Variants in SNAPC3 observed in about 807,000 individuals in gnomAD.
SNAPC3 encodes small nuclear RNA activating complex polypeptide 3.
A neutral mutation model predicts 47.7 loss-of-function variants in SNAPC3; 56 were observed. That is an observed-to-expected ratio of 1.18 (90% confidence interval 0.95 to 1.47). The LOEUF is 1.47. Ranked by LOEUF, SNAPC3 falls within the 40% of genes most tolerant of loss-of-function variation. SNAPC3 has a pLI of 0.00. For missense variants in SNAPC3, 665 were observed against 511.3 expected (o/e 1.30, Z -2.90); for synonymous variants, 235 against 189.9 (o/e 1.24, Z -1.95).
chr9:15,448,879 G>A (rs968865668), intron 5 of SNAPC3, among the ~76,000 whole-genome samples: 5 of 151,576 alleles, frequency 3.3e-5, no homozygotes, highest in African/African-American at 1.2e-4. Flanking sequence ...ATGCAATCTC[G>A]GCTCACTGCA....
intron 2 of SNAPC3, among the ~76,000 whole-genome samples, chr9:15,433,316 A>G (rs191985782): frequency 2.8e-4 from 42 of 152,306 alleles, no homozygotes; most frequent in Admixed American, 1.8e-3. Context: ...GAAATTTTAA[A>G]AAGGCGTATA....
At chr9:15,465,642 G>T (rs1364917786), downstream of SNAPC3, 5 of 1,341,768 alleles carry the variant, frequency 3.7e-6, no homozygotes, top group African/African-American at 1.5e-5. Context: ...AGGAAAAAAA[G>T]ACATTAAGTC....
In SNAPC3 at chr9:15,423,826, A is replaced by G; in HGVS notation, c.315-83A>G. 7.1e-6 allele frequency: 5 copies of G among 708,750 alleles called. No homozygotes were observed. In the South Asian group the frequency reaches 9.1e-5, roughly 13 times the overall value. 43.9% of individuals were successfully genotyped at this position (708,750 alleles called of 1,614,324 possible). A position where few individuals can be genotyped will look rare whatever the true frequency, so the allele number is the denominator to read the frequency against. ...TTTTATCTGACTTCGTAATTCAGTA[A>G]TGTATTTAGGAAAACAACCCTAACT... On this transcript the variant is annotated intron_variant, in intron 1 of 8. Coordinates refer to ENST00000380821, the MANE Select transcript of SNAPC3 (RefSeq NM_001039697.2).
chr9:15,423,421 T>G (rs913968250), intron 1 of SNAPC3, among the ~76,000 whole-genome samples: 62 of 152,190 alleles, frequency 4.1e-4, no homozygotes, highest in Non-Finnish European at 1.6e-4. Context: ...ACAAGACAGC[T>G]GCATCAAAGA....
At chr9:15,434,855 C>G (rs2136710) in intron 3 of SNAPC3, among the ~76,000 whole-genome samples, 125,655 of 152,166 alleles carry the variant, frequency 0.83, 52,941 homozygotes, top group Non-Finnish European at 0.91. Flanking sequence ...CATTTGGGTT[C>G]TTTTATCTTT....
In SNAPC3 at chr9:15,457,891, T is replaced by TA. The variant is rs60787906; in HGVS notation, c.981-67dup. On this transcript the variant is annotated intron_variant, in intron 7 of 8. Transcript: ENST00000380821. ...CCTAATACTCAGGCACAGATATATT[T>TA]AATAGCTCATAAAAATTTGTCACTT... The TA allele has an allele frequency of 1.4e-3, 1,166 of 860,272 alleles. 10 individuals are homozygous for TA. The African/African-American group carries it at 0.018, about 13-fold the overall frequency. 53.3% of individuals were successfully genotyped at this position (860,272 alleles called of 1,614,324 possible). A position where few individuals can be genotyped will look rare whatever the true frequency, so the allele number is the denominator to read the frequency against.
chr9:15,444,597 T>G lies in SNAPC3; in HGVS notation c.478-5T>G, dbSNP rs1438390227. On this transcript the variant is annotated splice_region_variant and splice_polypyrimidine_tract_variant and intron_variant, in intron 3 of 8. Coordinates refer to ENST00000380821, the MANE Select transcript of SNAPC3 (RefSeq NM_001039697.2). ...TGATTTCAGTGTCTCTTTTTCTTTC[T>G]TCAGGAGTCACATGCCATAGGAAAA... 1.3e-6 allele frequency: 2 copies of G among 1,579,388 alleles called. No individual in the cohort carries two copies. Among genetic ancestry groups the G allele is most frequent in the Middle Eastern group, 1.7e-4 (1 of 6,004 alleles).
intron 3 of SNAPC3, among the ~76,000 whole-genome samples, chr9:15,435,321 C>G (rs574714575): frequency 6.6e-6 from 1 of 152,054 alleles, no homozygotes; most frequent in Non-Finnish European, 1.5e-5. Flanking sequence ...GCTTGTAATC[C>G]CAGCACTTTG....
At chr9:15,456,043 T>G (rs1160850506) in intron 7 of SNAPC3, among the ~76,000 whole-genome samples, 1 of 152,112 alleles carries the variant, frequency 6.6e-6, no homozygotes, top group Non-Finnish European at 1.5e-5. Context: ...CCCAGCTAAT[T>G]TTGTATTTTT....
intron 2 of SNAPC3, among the ~76,000 whole-genome samples, chr9:15,427,219 T>C (rs1421450617): frequency 1.3e-5 from 2 of 152,242 alleles, no homozygotes; most frequent in African/African-American, 4.8e-5. Context: ...TTTGGCAGTT[T>C]TGACATTTTT....
At chr9:15,445,893 G>A (rs2033891907) in intron 4 of SNAPC3, among the ~76,000 whole-genome samples, 1 of 152,108 alleles carries the variant, frequency 6.6e-6, no homozygotes, top group Non-Finnish European at 1.5e-5. Context: ...CCAAGACCAT[G>A]CCATGGCACT....
intron 5 of SNAPC3, among the ~76,000 whole-genome samples, chr9:15,448,680 G>T (rs2034130243): frequency 6.6e-6 from 1 of 152,172 alleles, no homozygotes; most frequent in Non-Finnish European, 1.5e-5. Flanking sequence ...AGTACCTGTT[G>T]AGTTATGCTG....
At chr9:15,465,595 G>T (rs1554652504), downstream of SNAPC3, 1 of 1,555,942 alleles carries the variant, frequency 6.4e-7, no homozygotes, top group Admixed American at 1.8e-5. Flanking sequence ...AGAAAAGGGG[G>T]AAAGGTACAA....
At chr9:15,446,181 A>G (rs1244052212) in intron 4 of SNAPC3, among the ~76,000 whole-genome samples, 1 of 152,166 alleles carries the variant, frequency 6.6e-6, no homozygotes, top group East Asian at 1.9e-4. Flanking sequence ...GAAAATTTCC[A>G]TGGCTGAGTA....
At chr9:15,442,129 G>C (rs540538523) in intron 3 of SNAPC3, among the ~76,000 whole-genome samples, 3,656 of 134,976 alleles carry the variant, frequency 0.027, 34 homozygotes, top group African/African-American at 0.063. Flanking sequence ...ACCTCCCTCC[G>C]GGACGGGGCG....
Position 15,434,105 on chromosome 9 carries a change from A to T in SNAPC3, c.477+469A>T, listed in dbSNP as rs148568148. Among the ~76,000 whole-genome samples the T allele has an allele frequency of 1.1e-3, 169 of 152,306 alleles. 1 individual carries two copies. The highest frequency in any genetic ancestry group is 3.9e-3 in the African/African-American group (161 of 41,558). ...CACTTGATCATGCATACGGGCACCT[A>T]TTGTCTCTCCCACTTATTTTACTTT... On this transcript the variant is annotated intron_variant, in intron 3 of 8. Coordinates refer to ENST00000380821, the MANE Select transcript of SNAPC3 (RefSeq NM_001039697.2).
At chr9:15,453,636 A>G (rs903284309) in intron 7 of SNAPC3, 2 of 153,382 alleles carry the variant, frequency 1.3e-5, no homozygotes, top group Admixed American at 6.5e-5. Context: ...TGAAGTCTTA[A>G]TGCTTTGACA....
At position 15,423,972 on chromosome 9, in the gene SNAPC3, C is replaced by T. The variant is rs762397536; in HGVS notation, c.378C>T (p.Asp126=). 6.3e-7 allele frequency: 1 copy of T among 1,575,626 alleles called. No homozygotes were observed. The highest frequency in any genetic ancestry group is 1.9e-5 in the Admixed American group (1 of 53,402). ...EDPEVIPENT[D]LVTLGVRKRF... is the part of the protein sequence containing the mutation. Reference sequence around the variant, plus strand: ...CAGAAGTCATTCCGGAGAATACTGACCTGGTGACTTTGGGGTATGGAGGAC... The same window carrying T: ...CAGAAGTCATTCCGGAGAATACTGATCTGGTGACTTTGGGGTATGGAGGAC... The change falls in exon 2 of 9, where the codon GAC becomes GAT. Residue 126 remains aspartate, a synonymous_variant. Coordinates refer to ENST00000380821, the MANE Select transcript of SNAPC3 (RefSeq NM_001039697.2).
chr9:15,424,395 G>T (rs983411546), intron 2 of SNAPC3, among the ~76,000 whole-genome samples: 13 of 151,900 alleles, frequency 8.6e-5, no homozygotes, highest in African/African-American at 2.9e-4. Context: ...AGATCTGGGG[G>T]GCAACCTAAA....
Sources: allele counts gnomAD v4.1 joint callset (sites outside exome capture counted in the v4.1 genomes callset), GRCh38; gene constraint gnomAD v4.1.1; transcripts MANE v1.5; gene names NCBI Gene and HGNC (gene_info 2026-07-23, HGNC 2026-07-21).